The following EXOC6B variants were observed in gnomAD, a reference collection of about 807,000 sequenced individuals.
EXOC6B encodes SEC15 homolog B.
A neutral mutation model predicts 113.5 loss-of-function variants in EXOC6B; 54 were observed. The observed-to-expected ratio is 0.48, with a 90% CI of 0.38 to 0.60. The LOEUF (loss-of-function observed/expected upper bound fraction) is 0.60, where lower values mean the gene tolerates loss of function less well. EXOC6B is among the 20% of genes least tolerant of loss of function. The pLI is 0.00. For missense variants in EXOC6B, 797 were observed against 977.5 expected (o/e 0.82, Z 2.46); for synonymous variants, 357 against 339.0 (o/e 1.05, Z -0.58).
At chr2:72,639,394 G>A (rs554652813) in intron 6 of EXOC6B, among the ~76,000 whole-genome samples, 2 of 152,098 alleles carry the variant, frequency 1.3e-5, no homozygotes, top group Non-Finnish European at 2.9e-5. Flanking sequence ...CACCACCTCC[G>A]GCATGACTGC....
chr2:72,493,573 T>C (rs1322849021), intron 15 of EXOC6B, among the ~76,000 whole-genome samples: 2 of 152,136 alleles, frequency 1.3e-5, no homozygotes, highest in Non-Finnish European at 2.9e-5. Context: ...TAAAAACATT[T>C]AATTTTATTA....
At chr2:72,420,551 T>C (rs547631186) in intron 18 of EXOC6B, among the ~76,000 whole-genome samples, 2 of 152,336 alleles carry the variant, frequency 1.3e-5, no homozygotes, top group East Asian at 3.9e-4. Context: ...TCCATGTCCC[T>C]GCAAAGGACA....
At chr2:72,255,534 T>A (rs1001378341) in intron 20 of EXOC6B, among the ~76,000 whole-genome samples, 16 of 152,208 alleles carry the variant, frequency 1.1e-4, no homozygotes, top group African/African-American at 3.1e-4. Context: ...CCTTGCTGGA[T>A]TCAAACTTGC....
At chr2:72,425,103 A>G (rs1472647875) in intron 18 of EXOC6B, among the ~76,000 whole-genome samples, 3 of 152,078 alleles carry the variant, frequency 2.0e-5, no homozygotes, top group African/African-American at 7.2e-5. Context: ...ATTTGAACGC[A>G]AGTTATTCTG....
At chr2:72,522,686 T>C (rs974796235) in intron 8 of EXOC6B, among the ~76,000 whole-genome samples, 4 of 152,246 alleles carry the variant, frequency 2.6e-5, no homozygotes, top group Non-Finnish European at 5.9e-5. Context: ...TTCTAGATCA[T>C]ACTTTCTTTC....
At chr2:72,684,025 G>A (rs936940219) in intron 6 of EXOC6B, among the ~76,000 whole-genome samples, 17 of 152,094 alleles carry the variant, frequency 1.1e-4, no homozygotes, top group East Asian at 3.9e-4. Flanking sequence ...TCCGCTTCCC[G>A]GGTTCAAGCA....
chr2:72,469,879 T>C (rs1698288733), intron 17 of EXOC6B, among the ~76,000 whole-genome samples: 1 of 152,160 alleles, frequency 6.6e-6, no homozygotes, highest in South Asian at 2.1e-4. Flanking sequence ...TGTTAACATA[T>C]AAAATAAGAT....
intron 7 of EXOC6B, among the ~76,000 whole-genome samples, chr2:72,574,111 C>CA (rs11364486): frequency 8.5e-4 from 94 of 110,310 alleles, no homozygotes; most frequent in East Asian, 1.6e-3. Context: ...GACTCCATCG[C>CA]AAAAAAAAAA....
At chr2:72,636,671 A>G (rs1672857855) in intron 6 of EXOC6B, among the ~76,000 whole-genome samples, 1 of 152,234 alleles carries the variant, frequency 6.6e-6, no homozygotes, top group South Asian at 2.1e-4. Context: ...TACTAGAAAT[A>G]GAGATGAATT....
At chr2:72,282,146 T>C (rs1490422698) in intron 20 of EXOC6B, among the ~76,000 whole-genome samples, 1 of 151,982 alleles carries the variant, frequency 6.6e-6, no homozygotes, top group Non-Finnish European at 1.5e-5. Flanking sequence ...TACACTAAAA[T>C]AAATATTTTT....
chr2:72,726,821 GCCCTT>G (rs1680328557), intron 5 of EXOC6B, among the ~76,000 whole-genome samples: 1 of 152,096 alleles, frequency 6.6e-6, no homozygotes, highest in African/African-American at 2.4e-5. Flanking sequence ...AATACAGTCA[GCCCTT>G]CATATTTGCA....
At chr2:72,320,761 G>C (rs768022658) in intron 20 of EXOC6B, among the ~76,000 whole-genome samples, 2 of 152,036 alleles carry the variant, frequency 1.3e-5, no homozygotes, top group Non-Finnish European at 2.9e-5. Context: ...AAAAACTTAA[G>C]CTTTTTGAAA....
intron 20 of EXOC6B, among the ~76,000 whole-genome samples, chr2:72,307,963 A>G (rs1298294726): frequency 2.0e-5 from 3 of 152,226 alleles, no homozygotes; most frequent in Non-Finnish European, 2.9e-5. Flanking sequence ...TATAAAATAG[A>G]AGAAATAACC....
chr2:72,749,182 C>T (rs766105525), intron 1 of EXOC6B, among the ~76,000 whole-genome samples: 5 of 152,032 alleles, frequency 3.3e-5, no homozygotes, highest in African/African-American at 4.8e-5. Flanking sequence ...TAAAAAAGTA[C>T]CTCTACAGCC....
intron 20 of EXOC6B, among the ~76,000 whole-genome samples, chr2:72,236,117 G>C (rs1573056215): frequency 6.6e-6 from 1 of 152,250 alleles, no homozygotes; most frequent in East Asian, 1.9e-4. Context: ...GGATTCTTGA[G>C]CTGAACCAAA....
intron 6 of EXOC6B, among the ~76,000 whole-genome samples, chr2:72,657,615 T>C (rs1291235037): frequency 1.3e-4 from 17 of 131,950 alleles, no homozygotes; most frequent in Non-Finnish European, 2.4e-4. Flanking sequence ...TGAGCAATTC[T>C]CCTGGCTGGA....
chr2:72,237,142 C>G (rs1206241986), intron 20 of EXOC6B, among the ~76,000 whole-genome samples: 1 of 152,146 alleles, frequency 6.6e-6, no homozygotes, highest in Non-Finnish European at 1.5e-5. Context: ...GATTCATTCA[C>G]TCAAAAATAT....
intron 20 of EXOC6B, among the ~76,000 whole-genome samples, chr2:72,263,660 C>A (rs1190634171): frequency 2.0e-5 from 3 of 152,154 alleles, no homozygotes; most frequent in Non-Finnish European, 4.4e-5. Context: ...CTATAAAATG[C>A]AATCCAAAAG....
At chr2:72,669,028 A>G (rs1675593606) in intron 6 of EXOC6B, among the ~76,000 whole-genome samples, 2 of 152,330 alleles carry the variant, frequency 1.3e-5, no homozygotes, top group East Asian at 1.9e-4. Flanking sequence ...TTGAGTCTAC[A>G]GTGAGTTTTG....
Sources: gnomAD v4.1 joint callset for allele counts (sites outside exome capture counted in the v4.1 genomes callset) on GRCh38, gnomAD v4.1.1 for gene constraint, MANE v1.5 for transcripts, NCBI Gene and HGNC (gene_info 2026-07-23, HGNC 2026-07-21) for gene names.